The following AAGAB variants were observed in gnomAD, a reference collection of about 807,000 sequenced individuals.
AAGAB encodes the protein alpha- and gamma-adaptin-binding protein p34.
Under a neutral mutation model 44.1 loss-of-function variants are expected in AAGAB, and 38 were observed. The observed-to-expected ratio is 0.86, with a 90% CI of 0.67 to 1.13. The LOEUF is 1.13. Among genes scored for constraint, AAGAB ranks in the 50% most tolerant of loss-of-function variants. The pLI, the probability that AAGAB is intolerant of heterozygous loss-of-function variation, is 0.00. For synonymous variants in AAGAB, 131 were observed against 131.8 expected (o/e 0.99, Z 0.04); for missense variants, 450 against 373.8 (o/e 1.20, Z -1.68).
intron 7 of AAGAB, among the ~76,000 whole-genome samples, chr15:67,206,512 A>G (rs371264147): frequency 6.6e-6 from 1 of 152,172 alleles, no homozygotes. Context: ...ATGGCTTTCT[A>G]TTTTCCTCAT....
chr15:67,209,558 A>C lies in AAGAB; in HGVS notation c.536-14T>G. On this transcript the variant is annotated splice_polypyrimidine_tract_variant and intron_variant, in intron 5 of 9. Transcript: ENST00000261880. ...CTTGGTTCCTATCTGAAAAGGAAAA[A>C]TACACTTAGTGAAATTTGTCATTTA... 6.3e-7 allele frequency: 1 copy of C among 1,599,328 alleles called. No individual in the cohort carries two copies. Among genetic ancestry groups the C allele is most frequent in the Middle Eastern group, 1.7e-4 (1 of 6,044 alleles).
At chr15:67,222,271 CACACACACACA>C (rs1220070125) in intron 5 of AAGAB, among the ~76,000 whole-genome samples, 1 of 150,950 alleles carries the variant, frequency 6.6e-6, no homozygotes, top group Non-Finnish European at 1.5e-5. Context: ...CACACACACA[CACACACACACA>C]CCCTCCACCC....
intron 1 of AAGAB, among the ~76,000 whole-genome samples, chr15:67,245,264 C>T (rs1454960682): frequency 6.6e-6 from 1 of 152,154 alleles, no homozygotes; most frequent in African/African-American, 2.4e-5. Context: ...TCCAAATGTC[C>T]ATCAACTGAT....
chr15:67,241,746 A>G (rs1964605095), intron 1 of AAGAB, among the ~76,000 whole-genome samples: 1 of 152,184 alleles, frequency 6.6e-6, no homozygotes, highest in African/African-American at 2.4e-5. Flanking sequence ...GGGCACAGTA[A>G]ATATTCATTT....
intron 1 of AAGAB, among the ~76,000 whole-genome samples, chr15:67,247,719 TCTCTA>T (rs948830153): frequency 6.6e-5 from 10 of 152,156 alleles, no homozygotes; most frequent in African/African-American, 1.7e-4. Flanking sequence ...AAAGTCAAAT[TCTCTA>T]CTCTACAAGT....
chr15:67,236,388 G>T lies in AAGAB; in HGVS notation c.361+20C>A. 1 of 1,604,214 alleles carries T rather than the reference G, an allele frequency of 6.2e-7. No homozygotes were observed. The highest frequency in any genetic ancestry group is 8.5e-7 in the Non-Finnish European group (1 of 1,171,288). ...ATGGCAAATGCATGTACCAACTACT[G>T]TCCCATCCACAGGCCTTACCATCTT... is the stretch of plus-strand genomic sequence containing the variant. On this transcript the variant is annotated intron_variant, in intron 3 of 9. Coordinates refer to ENST00000261880, the MANE Select transcript of AAGAB (RefSeq NM_024666.5).
rs185907970 is a variant in AAGAB at position 67,246,719 on chromosome 15, C to A, written c.73+7840G>T. Among the ~76,000 whole-genome samples the A allele has an allele frequency of 6.3e-4, 94 of 150,114 alleles. 1 individual carries two copies. The highest frequency in any genetic ancestry group is 4.2e-3 in the Admixed American group (63 of 14,850). ...TACCAATCAGCACTCTGTAAAAACA[C>A]ACCAATCAGCACTCTGTGTCTAGCT... is the stretch of plus-strand genomic sequence containing the variant. On this transcript the variant is annotated intron_variant, in intron 1 of 9. Coordinates refer to ENST00000261880, the MANE Select transcript of AAGAB (RefSeq NM_024666.5).
chr15:67,245,420 T>C (rs1157547050), intron 1 of AAGAB, among the ~76,000 whole-genome samples: 2 of 152,196 alleles, frequency 1.3e-5, no homozygotes, highest in Non-Finnish European at 2.9e-5. Context: ...ATAAAATGTG[T>C]AGAAAAGGCA....
chr15:67,254,240 C>A, intron 1 of AAGAB: 1 of 384,598 alleles, frequency 2.6e-6, no homozygotes, highest in Non-Finnish European at 4.5e-6. Flanking sequence ...CTCCTGTAAC[C>A]TAGCGCAATT....
Position 67,222,232 on chromosome 15 carries a change from G to GCA in AAGAB, c.535+9581_535+9582insTG, listed in dbSNP as rs1396838553. Among the ~76,000 whole-genome samples the GCA allele has an allele frequency of 1.8e-3, 146 of 82,004 alleles. 1 individual carries two copies. The highest frequency in any genetic ancestry group is 2.7e-3 in the Admixed American group (22 of 8,132). 53.8% of individuals were successfully genotyped at this position (82,004 alleles called of 152,430 possible). ...GATTACTACATGCATGCACGCGCAC[G>GCA]CGCGCGCGCGCACACACACACACAC... On this transcript the variant is annotated intron_variant, in intron 5 of 9. Coordinates refer to ENST00000261880, the MANE Select transcript of AAGAB (RefSeq NM_024666.5).
At chr15:67,216,391 A>G (rs1221719817) in intron 5 of AAGAB, among the ~76,000 whole-genome samples, 2 of 141,200 alleles carry the variant, frequency 1.4e-5, no homozygotes, top group Non-Finnish European at 3.0e-5. Flanking sequence ...GCAGTGAGCC[A>G]AGATCATGCC....
intron 8 of AAGAB, among the ~76,000 whole-genome samples, 183 bp downstream of exon 8, chr15:67,203,861 A>G (rs541939719): frequency 1.8e-4 from 28 of 152,286 alleles, no homozygotes; most frequent in Middle Eastern, 3.4e-3. Flanking sequence ...AAGAGAACGA[A>G]GATGGAAAAA....
chr15:67,218,817 A>G (rs1724308456), intron 5 of AAGAB, among the ~76,000 whole-genome samples: 1 of 152,226 alleles, frequency 6.6e-6, no homozygotes, highest in African/African-American at 2.4e-5. Context: ...CTCTGATAGG[A>G]CTGTGGGTAA....
chr15:67,225,868 T>A (rs1964191869), intron 5 of AAGAB, among the ~76,000 whole-genome samples: 1 of 152,216 alleles, frequency 6.6e-6, no homozygotes, highest in African/African-American at 2.4e-5. Context: ...ATGTTTCCAG[T>A]TCTCTTCGGT....
chr15:67,216,398 T>C lies in AAGAB; in HGVS notation c.536-6854A>G, dbSNP rs553876816. 9.2e-5 allele frequency among the ~76,000 whole-genome samples: 11 copies of C among 119,934 alleles called. No individual in the cohort carries two copies. The Admixed American group carries it at 1.3e-3, about 14-fold the overall frequency. The allele number at this position is 119,934 out of a possible 152,430, so 78.7% of individuals were successfully genotyped here. On this transcript the variant is annotated intron_variant, in intron 5 of 9. Coordinates refer to ENST00000261880, the MANE Select transcript of AAGAB (RefSeq NM_024666.5). ...TGGAGGTTGCAGTGAGCCAAGATCA[T>C]GCCACTGTACTCCAGCCTGGGTGAC... is the stretch of plus-strand genomic sequence containing the variant.
chr15:67,235,598 T>A (rs1341233013), intron 4 of AAGAB, among the ~76,000 whole-genome samples: 1 of 152,198 alleles, frequency 6.6e-6, no homozygotes, highest in East Asian at 1.9e-4. Context: ...CTGCGATTCT[T>A]GGGAATTCAG....
intron 7 of AAGAB, among the ~76,000 whole-genome samples, chr15:67,207,511 C>A (rs1239617921): frequency 6.6e-6 from 1 of 152,170 alleles, no homozygotes; most frequent in Non-Finnish European, 1.5e-5. Flanking sequence ...CTAACTCTCA[C>A]TATCTATATT....
In AAGAB at chr15:67,202,856, C is replaced by T. The variant is rs1595975625; in HGVS notation, c.913G>A (p.Glu305Lys). The T allele has an allele frequency of 2.5e-6, 4 of 1,614,092 alleles. No individual in the cohort carries two copies. Among genetic ancestry groups the T allele is most frequent in the African/African-American group, 1.3e-5 (1 of 75,022 alleles). Residue 305 changes from glutamate to lysine, a missense_variant, in exon 10 of 10, where the codon GAA becomes AAA. Coordinates refer to ENST00000261880, the MANE Select transcript of AAGAB (RefSeq NM_024666.5). ...TCATCAGATGAAAGGCCTTCAATTT[C>T]ATCTCTGTCTCCCCCGATTGCCATC... is the stretch of plus-strand genomic sequence containing the variant. Reference protein sequence around the residue: ...FWMAIGGDRDEIEGLSSDEEH With the variant: ...FWMAIGGDRDKIEGLSSDEEH
chr15:67,214,404 C>T (rs973691058), intron 5 of AAGAB, among the ~76,000 whole-genome samples: 6 of 152,210 alleles, frequency 3.9e-5, no homozygotes, highest in Non-Finnish European at 8.8e-5. Context: ...TCCTCAAGCA[C>T]ATGTAGACCA....
Sources: gnomAD v4.1 joint callset for allele counts (sites outside exome capture counted in the v4.1 genomes callset) on GRCh38, gnomAD v4.1.1 for gene constraint, MANE v1.5 for transcripts, NCBI Gene and HGNC (gene_info 2026-07-23, HGNC 2026-07-21) for gene names.